The following PREP variants were observed in gnomAD, a reference collection of about 807,000 sequenced individuals.
PREP encodes the protein dJ355L5.1 (prolyl endopeptidase).
A neutral mutation model predicts 87.6 loss-of-function variants in PREP; 29 were observed. The observed-to-expected ratio is 0.33, with a 90% CI of 0.25 to 0.45. The LOEUF is 0.45. Among genes scored for constraint, PREP ranks in the 20% least tolerant of loss-of-function variants. PREP has a pLI of 1.00. For synonymous variants in PREP, 337 were observed against 328.6 expected (o/e 1.03, Z -0.28); for missense variants, 695 against 886.5 (o/e 0.78, Z 2.74).
chr6:105,349,029 C>G (rs534055869), intron 7 of PREP, among the ~76,000 whole-genome samples: 15 of 149,248 alleles, frequency 1.0e-4, no homozygotes, highest in African/African-American at 3.9e-4. Flanking sequence ...CTTAGCTGTT[C>G]TGAACAGCTG....
chr6:105,294,759 C>T (rs1770372723), intron 10 of PREP, among the ~76,000 whole-genome samples: 1 of 152,224 alleles, frequency 6.6e-6, no homozygotes, highest in African/African-American at 2.4e-5. Flanking sequence ...TAGGACAACC[C>T]ACCTTGTAGC....
chr6:105,402,429 CACACACACACACACACACAA>C (rs1005888028), intron 1 of PREP, among the ~76,000 whole-genome samples: 5 of 151,026 alleles, frequency 3.3e-5, no homozygotes, highest in African/African-American at 7.3e-5. Context: ...CACACACACA[CACACACACACACACACACAA>C]ACACACACAC....
In PREP at chr6:105,351,408, T is replaced by C. The variant is rs563998844; in HGVS notation, c.823+1564A>G. Among the ~76,000 whole-genome samples, 4 of 133,800 alleles carry C rather than the reference T, an allele frequency of 3.0e-5. No homozygotes were observed. The East Asian group carries it at 7.7e-4, about 26-fold the overall frequency. The allele number at this position is 133,800 out of a possible 152,430, so 87.8% of individuals were successfully genotyped here. A position where few individuals can be genotyped will look rare whatever the true frequency, so the allele number is the denominator to read the frequency against. On this transcript the variant is annotated intron_variant, in intron 7 of 14. Coordinates refer to ENST00000652536, the MANE Select transcript of PREP (RefSeq NM_002726.5). ...GAGAGCCTAGTGCACCTCTGTACTG[T>C]CTTCCTTTTGGAATCCCAATCTCTT...
intron 10 of PREP, among the ~76,000 whole-genome samples, chr6:105,319,749 C>T (rs554277285): frequency 6.6e-6 from 1 of 152,208 alleles, no homozygotes; most frequent in Non-Finnish European, 1.5e-5. Context: ...ACTTCCATCC[C>T]TCCTGTGAAG....
chr6:105,282,418 T>TA, intron 13 of PREP, 33 bp downstream of exon 13: 1 of 1,600,192 alleles, frequency 6.2e-7, no homozygotes, highest in Non-Finnish European at 8.5e-7. Context: ...GAGGGCTAAC[T>TA]AGTAAGTGCA....
At position 105,376,850 on chromosome 6, in the gene PREP, C is replaced by T. The variant is rs374614238; in HGVS notation, c.254+536G>A. On this transcript the variant is annotated intron_variant, in intron 3 of 14. Coordinates refer to ENST00000652536, the MANE Select transcript of PREP (RefSeq NM_002726.5). The stretch of plus-strand genomic sequence containing the variant: ...GCCAGGGTTTGGTAGGCAGACTGTA[C>T]GTTGCCGATCTCTGTAAGAATGGCA... Among the ~76,000 whole-genome samples, 30 of 152,260 alleles carry T rather than the reference C, an allele frequency of 2.0e-4. No homozygotes were observed. In the East Asian group the frequency reaches 5.0e-3, roughly 25 times the overall value.
chr6:105,290,576 A>AATT, intron 10 of PREP, among the ~76,000 whole-genome samples: 1 of 151,992 alleles, frequency 6.6e-6, no homozygotes, highest in Non-Finnish European at 1.5e-5. Context: ...ATCCCAGCTG[A>AATT]CTCTCAGACC....
At chr6:105,327,432 G>A (rs766556581) in intron 9 of PREP, among the ~76,000 whole-genome samples, 1 of 152,170 alleles carries the variant, frequency 6.6e-6, no homozygotes, top group Non-Finnish European at 1.5e-5. Context: ...TCCGCTGCAA[G>A]GTGCTTGGGA....
intron 14 of PREP, chr6:105,281,066 G>A (rs576029027): frequency 6.6e-6 from 1 of 152,314 alleles, no homozygotes; most frequent in East Asian, 1.9e-4. Flanking sequence ...AGTCTGGGTT[G>A]GCTCAGCTGG....
intron 2 of PREP, among the ~76,000 whole-genome samples, chr6:105,378,693 T>C (rs1212774855): frequency 6.6e-6 from 1 of 152,204 alleles, no homozygotes; most frequent in Admixed American, 6.5e-5. Flanking sequence ...ATCTGGCTAT[T>C]AGCAAGAAAT....
Position 105,278,107 on chromosome 6 carries a change from G to C in PREP, c.*37C>G. On this transcript the variant is annotated 3_prime_UTR_variant, in exon 15 of 15. Transcript: ENST00000652536. This position sits in a 1 kb window ranked among gnomAD's most constrained non-coding sequence, Gnocchi z 4.2. The stretch of plus-strand genomic sequence containing the variant: ...GTGTCAACGTGGGAAAGCCCTTGAG[G>C]TTTTCTGTCGCTGTCAGGAGGAAGC... 6.3e-7 allele frequency: 1 copy of C among 1,581,134 alleles called. No individual in the cohort carries two copies.
intron 7 of PREP, among the ~76,000 whole-genome samples, chr6:105,345,059 T>C (rs1771761356): frequency 6.6e-6 from 1 of 152,220 alleles, no homozygotes. Context: ...ATGTTTTAAA[T>C]GAGAGCTCTT....
At chr6:105,290,556 T>TA (rs1309357158) in intron 10 of PREP, among the ~76,000 whole-genome samples, 1 of 152,180 alleles carries the variant, frequency 6.6e-6, no homozygotes, top group African/African-American at 2.4e-5. Context: ...GCTGGACTGA[T>TA]ACACTCCTCA....
rs1770000279 is a variant in PREP at position 105,278,584 on chromosome 6, A to G, written c.1839-146T>C. On this transcript the variant is annotated intron_variant, in intron 14 of 14. Coordinates refer to ENST00000652536, the MANE Select transcript of PREP (RefSeq NM_002726.5). The surrounding 1 kb of genome is among the most constrained non-coding windows in gnomAD (Gnocchi z 4.2). ...GGACTGTGCCTATGCGTTACCATTT[A>G]GGCCATGACTGGCAAGGGCTCCTGG... is the stretch of plus-strand genomic sequence containing the variant. 2 of 847,006 alleles carry G rather than the reference A, an allele frequency of 2.4e-6. No individual in the cohort carries two copies. Among genetic ancestry groups the G allele is most frequent in the East Asian group, 5.4e-5 (2 of 37,240 alleles). The allele number at this position is 847,006 out of a possible 1,614,324, so 52.5% of individuals were successfully genotyped here.
At position 105,273,776 on chromosome 6, in the gene PREP, C is replaced by G. The variant is rs898695932; in HGVS notation, c.*4368G>C. On this transcript the variant is annotated 3_prime_UTR_variant, in exon 15 of 15. Transcript: ENST00000652536. ...TGCCATCTCTAGTGTATCCTCCAGG[C>G]CTCGCCTGGCTCCCTGTTCCCCCCA... 1.3e-5 allele frequency: 2 copies of G among 153,084 alleles called. No individual in the cohort carries two copies. The highest frequency in any genetic ancestry group is 4.8e-5 in the African/African-American group (2 of 41,472). The allele number at this position is 153,084 out of a possible 1,614,324, so 9.5% of individuals were successfully genotyped here. A position where few individuals can be genotyped will look rare whatever the true frequency, so the allele number is the denominator to read the frequency against.
intron 5 of PREP, among the ~76,000 whole-genome samples, chr6:105,371,526 AG>A (rs1772547767): frequency 7.0e-6 from 1 of 143,494 alleles, no homozygotes; most frequent in Non-Finnish European, 1.5e-5. Flanking sequence ...AAAAAAAAAA[AG>A]GTTAAGCATT....
At chr6:105,396,385 G>A (rs897829721) in intron 2 of PREP, among the ~76,000 whole-genome samples, 1 of 152,220 alleles carries the variant, frequency 6.6e-6, no homozygotes, top group African/African-American at 2.4e-5. Flanking sequence ...AAGCAGGTGA[G>A]CCAGTGCTTG....
intron 10 of PREP, among the ~76,000 whole-genome samples, chr6:105,307,535 A>G (rs1232257747): frequency 6.6e-6 from 1 of 152,160 alleles, no homozygotes; most frequent in Non-Finnish European, 1.5e-5. Context: ...GATATTTACT[A>G]AGCACACCAC....
chr6:105,332,530 C>T (rs1439889388), intron 8 of PREP, among the ~76,000 whole-genome samples: 2 of 152,116 alleles, frequency 1.3e-5, no homozygotes, highest in African/African-American at 4.8e-5. Flanking sequence ...ATATATTTTG[C>T]ATTTCTAAAT....
Sources: allele counts gnomAD v4.1 joint callset (sites outside exome capture counted in the v4.1 genomes callset), GRCh38; gene constraint gnomAD v4.1.1; non-coding constraint Gnocchi (gnomAD v3.1); transcripts MANE v1.5; gene names NCBI Gene and HGNC (gene_info 2026-07-23, HGNC 2026-07-21).